The following PITPNC1 variants were observed in gnomAD, a reference collection of about 807,000 sequenced individuals.
PITPNC1 encodes the protein cytoplasmic phosphatidylinositol transfer protein 1.
PITPNC1 carries 18 observed loss-of-function variants against 44.7 expected under a neutral mutation model. That is an observed-to-expected ratio of 0.40 (90% CI 0.28 to 0.60). The LOEUF is 0.60. PITPNC1 is among the 20% of genes least tolerant of loss of function. The probability of loss-of-function intolerance (pLI) is 0.39; values close to 1 mark genes in which losing one functional copy is unlikely to be tolerated. For missense variants in PITPNC1, 290 were observed against 418.4 expected (o/e 0.69, Z 2.68); for synonymous variants, 141 against 149.6 (o/e 0.94, Z 0.42).
At chr17:67,633,592 C>T (rs1429878655) in intron 6 of PITPNC1, among the ~76,000 whole-genome samples, 1 of 152,230 alleles carries the variant, frequency 6.6e-6, no homozygotes, top group Non-Finnish European at 1.5e-5. Flanking sequence ...TGTGGCCAAC[C>T]ACACCTATGC....
chr17:67,381,466 C>G lies in PITPNC1; in HGVS notation c.48+3264C>G, dbSNP rs571739034. Among the ~76,000 whole-genome samples the G allele has an allele frequency of 8.6e-4, 126 of 147,102 alleles. 3 individuals are homozygous for G. The South Asian group carries it at 0.018, about 22-fold the overall frequency. ...TGGAACTTCTGGAACTTGTTTCTCT[C>G]TCTTTTTTTTTTTTTTTTGAGACGG... is the stretch of plus-strand genomic sequence containing the variant. On this transcript the variant is annotated intron_variant, in intron 1 of 8. Transcript: ENST00000581322.
chr17:67,631,597 C>G (rs1207927033), intron 5 of PITPNC1, among the ~76,000 whole-genome samples: 2 of 92,312 alleles, frequency 2.2e-5, no homozygotes, highest in Non-Finnish European at 4.2e-5. Flanking sequence ...CCACTGCAGT[C>G]CAGCTTGGGC....
chr17:67,545,801 G>C (rs993624915), intron 2 of PITPNC1, among the ~76,000 whole-genome samples: 1 of 151,902 alleles, frequency 6.6e-6, no homozygotes, highest in Non-Finnish European at 1.5e-5. Context: ...ACACCTGCTG[G>C]GCATCACACA....
chr17:67,425,183 TTGTG>T (rs2038730961), intron 1 of PITPNC1, among the ~76,000 whole-genome samples: 1 of 116,202 alleles, frequency 8.6e-6, no homozygotes, highest in Non-Finnish European at 1.8e-5. Context: ...AACAGCCATG[TTGTG>T]CGCGCGCACG....
intron 4 of PITPNC1, among the ~76,000 whole-genome samples, chr17:67,560,610 C>G (rs1186406595): frequency 6.6e-6 from 1 of 152,176 alleles, no homozygotes; most frequent in Non-Finnish European, 1.5e-5. Flanking sequence ...GTACCGCTGC[C>G]CTTGTGTGGG....
At chr17:67,490,043 T>A (rs1299070709) in intron 1 of PITPNC1, among the ~76,000 whole-genome samples, 1 of 152,154 alleles carries the variant, frequency 6.6e-6, no homozygotes, top group Non-Finnish European at 1.5e-5. Context: ...AGCCAGGTTA[T>A]TTCTTTGGAG....
At chr17:67,445,006 T>TG (rs2039075381) in intron 1 of PITPNC1, among the ~76,000 whole-genome samples, 2 of 41,522 alleles carry the variant, frequency 4.8e-5, no homozygotes, top group African/African-American at 1.2e-4. Flanking sequence ...TTATATGTCT[T>TG]GTTTTTTTTA....
intron 1 of PITPNC1, among the ~76,000 whole-genome samples, chr17:67,502,311 G>C (rs1406401657): frequency 1.3e-5 from 2 of 150,302 alleles, no homozygotes; most frequent in Non-Finnish European, 3.0e-5. Context: ...CCACTAGGCT[G>C]TTCTCAGCTC....
At chr17:67,441,711 T>C (rs2039015274) in intron 1 of PITPNC1, among the ~76,000 whole-genome samples, 2 of 152,186 alleles carry the variant, frequency 1.3e-5, no homozygotes, top group South Asian at 4.1e-4. Flanking sequence ...CAGAAGAGTG[T>C]CACTAAAATA....
intron 1 of PITPNC1, among the ~76,000 whole-genome samples, chr17:67,464,353 A>G (rs2039391926): frequency 6.6e-6 from 1 of 152,208 alleles, no homozygotes; most frequent in Admixed American, 6.6e-5. Context: ...AGTTATTCAT[A>G]AAGACATTTA....
intron 1 of PITPNC1, among the ~76,000 whole-genome samples, chr17:67,415,820 A>C (rs983155006): frequency 2.6e-5 from 4 of 152,196 alleles, no homozygotes; most frequent in Admixed American, 6.5e-5. Context: ...GATTTGGTCA[A>C]CAGTGATAAA....
intron 2 of PITPNC1, among the ~76,000 whole-genome samples, chr17:67,542,074 C>T (rs2040616991): frequency 6.6e-6 from 1 of 152,084 alleles, no homozygotes; most frequent in Non-Finnish European, 1.5e-5. Flanking sequence ...CCTTTTCAAC[C>T]CTAACTTTCT....
chr17:67,552,295 T>C lies in PITPNC1; in HGVS notation c.236T>C (p.Ile79Thr), dbSNP rs1212297883. ...PSWARAVVPK[I>T]FYVTEKAWNY... is the part of the protein sequence containing the mutation. ...TGGGCTAGAGCTGTTGTCCCCAAAA[T>C]ATTTTATGTGACAGAGAAGGCTTGG... is the stretch of plus-strand genomic sequence containing the variant. The change falls in exon 3 of 9, where the codon ATA becomes ACA. Residue 79 changes from isoleucine to threonine, a missense_variant. Coordinates refer to ENST00000581322, the MANE Select transcript of PITPNC1 (RefSeq NM_012417.4). 1 of 1,607,508 alleles carries C rather than the reference T, an allele frequency of 6.2e-7. No individual in the cohort carries two copies. The highest frequency in any genetic ancestry group is 8.5e-7 in the Non-Finnish European group (1 of 1,174,144).
intron 6 of PITPNC1, among the ~76,000 whole-genome samples, chr17:67,640,807 T>C (rs1439209797): frequency 1.3e-5 from 2 of 150,602 alleles, no homozygotes; most frequent in African/African-American, 4.9e-5. Flanking sequence ...CAGGACAACA[T>C]GGTGAAAACC....
At chr17:67,495,077 G>A (rs1317011555) in intron 1 of PITPNC1, among the ~76,000 whole-genome samples, 1 of 33,778 alleles carries the variant, frequency 3.0e-5, no homozygotes, top group Non-Finnish European at 6.0e-5. Context: ...TTTTTTTTGA[G>A]ACGGAGTCTG....
At chr17:67,425,203 GCACACACA>G (rs60705271) in intron 1 of PITPNC1, among the ~76,000 whole-genome samples, 4,692 of 98,696 alleles carry the variant, frequency 0.048, 395 homozygotes, top group Non-Finnish European at 0.052. Context: ...GCACGCACAC[GCACACACA>G]CACACACACA....
chr17:67,541,964 A>G (rs1372688395), intron 2 of PITPNC1, among the ~76,000 whole-genome samples: 1 of 152,226 alleles, frequency 6.6e-6, no homozygotes, highest in Non-Finnish European at 1.5e-5. Context: ...TTTCAGCAAG[A>G]GTGAGACCCT....
chr17:67,587,287 G>A (rs1347096854), intron 5 of PITPNC1, among the ~76,000 whole-genome samples: 3 of 151,634 alleles, frequency 2.0e-5, no homozygotes, highest in African/African-American at 7.3e-5. Flanking sequence ...AAGAGTTCAA[G>A]GCCAGCCTGG....
At chr17:67,436,215 G>C (rs773380617) in intron 1 of PITPNC1, among the ~76,000 whole-genome samples, 13 of 150,484 alleles carry the variant, frequency 8.6e-5, no homozygotes, top group Non-Finnish European at 1.8e-4. Flanking sequence ...TGCCCAGGCT[G>C]GTCTTAAATT....
Sources: allele counts gnomAD v4.1 joint callset (sites outside exome capture counted in the v4.1 genomes callset), GRCh38; gene constraint gnomAD v4.1.1; transcripts MANE v1.5; gene names NCBI Gene and HGNC (gene_info 2026-07-23, HGNC 2026-07-21).